TRABD2B: variants seen among roughly 807,000 people sequenced by gnomAD.
TRABD2B encodes TraB domain containing 2B.
In TRABD2B, 14 loss-of-function variants were observed where a neutral mutation model predicts 40.1. The observed-to-expected ratio is 0.35, with a 90% CI of 0.23 to 0.55. The LOEUF (loss-of-function observed/expected upper bound fraction) is 0.55, where lower values mean the gene tolerates loss of function less well. Ranked by LOEUF, TRABD2B falls within the 20% of genes least tolerant of loss-of-function variation. TRABD2B has a pLI of 0.90. For synonymous variants in TRABD2B, 263 were observed against 277.0 expected (o/e 0.95, Z 0.50); for missense variants, 541 against 648.6 (o/e 0.83, Z 1.80).
intron 2 of TRABD2B, among the ~76,000 whole-genome samples, chr1:47,879,507 T>C (rs1470845498): frequency 2.0e-5 from 3 of 152,188 alleles, no homozygotes; most frequent in African/African-American, 7.2e-5. Context: ...ACCTTCTAGG[T>C]TTGTGCAAGT....
rs1254126543 is a variant in TRABD2B, at chr1:47,765,702, T to C, written c.*200A>G. On this transcript the variant is annotated 3_prime_UTR_variant, in exon 7 of 7. Coordinates refer to ENST00000606738, the MANE Select transcript of TRABD2B (RefSeq NM_001194986.2). ...ACACGTATTTTACAAAAGAGCCCCATAGCACTATGGGAAATTAAGATCCTT... is the reference window on the plus strand; with the variant it reads ...ACACGTATTTTACAAAAGAGCCCCACAGCACTATGGGAAATTAAGATCCTT... 9 of 614,020 alleles carry C rather than the reference T, an allele frequency of 1.5e-5. No homozygotes were observed. The highest frequency in any genetic ancestry group is 2.6e-5 in the Non-Finnish European group (9 of 344,760). The allele number at this position is 614,020 out of a possible 1,614,324, so 38.0% of individuals were successfully genotyped here.
chr1:47,842,377 A>G (rs1645410962), intron 2 of TRABD2B, among the ~76,000 whole-genome samples: 1 of 151,718 alleles, frequency 6.6e-6, no homozygotes, highest in Admixed American at 6.6e-5. Context: ...AGGGCAGTAG[A>G]CTCCATCTGT....
intron 2 of TRABD2B, among the ~76,000 whole-genome samples, chr1:47,903,852 C>A (rs532724061): frequency 6.6e-6 from 1 of 152,326 alleles, no homozygotes; most frequent in African/African-American, 2.4e-5. Context: ...CCCTGATTAA[C>A]CCCAAGAGCA....
chr1:47,865,856 C>G (rs1227896130), intron 2 of TRABD2B, among the ~76,000 whole-genome samples: 2 of 152,042 alleles, frequency 1.3e-5, no homozygotes, highest in Admixed American at 1.3e-4. Flanking sequence ...TTACCATGCA[C>G]TCAGTGGGTT....
chr1:47,807,255 G>T (rs997175805), intron 2 of TRABD2B, among the ~76,000 whole-genome samples: 1 of 152,202 alleles, frequency 6.6e-6, no homozygotes, highest in Non-Finnish European at 1.5e-5. Flanking sequence ...TGGAATGATT[G>T]ATCCTGACTA....
chr1:47,911,427 G>A (rs1644761459), intron 2 of TRABD2B, among the ~76,000 whole-genome samples: 1 of 152,212 alleles, frequency 6.6e-6, no homozygotes, highest in Non-Finnish European at 1.5e-5. Flanking sequence ...GTGATAGAAT[G>A]ATAGAAAGAC....
At chr1:47,929,992 C>T (rs188473029) in intron 2 of TRABD2B, among the ~76,000 whole-genome samples, 88 of 152,294 alleles carry the variant, frequency 5.8e-4, no homozygotes, top group African/African-American at 2.0e-3. Flanking sequence ...CTACTTCTCC[C>T]ACCTCCCTGC....
At chr1:47,802,910 G>A (rs749101987) in intron 2 of TRABD2B, among the ~76,000 whole-genome samples, 71 of 152,076 alleles carry the variant, frequency 4.7e-4, no homozygotes, top group Non-Finnish European at 8.1e-4. Context: ...TAGCTCTTGA[G>A]TAGAGCCTCC....
chr1:47,871,809 C>T (rs545852829), intron 2 of TRABD2B, among the ~76,000 whole-genome samples: 2 of 152,106 alleles, frequency 1.3e-5, no homozygotes, highest in African/African-American at 4.8e-5. Flanking sequence ...CCTGGCCCCC[C>T]CAGGAAGTGA....
chr1:47,997,174 C>A lies in TRABD2B; in HGVS notation c.-385G>T. On this transcript the variant is annotated 5_prime_UTR_variant, in exon 1 of 7. Transcript: ENST00000606738. ...GGTGCGCAAGGGTCCCGGGGTTATG[C>A]TGGGCACCCGGGGCACGCAAGGGTC... 1 of 983,220 alleles carries A rather than the reference C, an allele frequency of 1.0e-6. No individual in the cohort carries two copies. The highest frequency in any genetic ancestry group is 1.2e-6 in the Non-Finnish European group (1 of 829,132). 60.9% of individuals were successfully genotyped at this position (983,220 alleles called of 1,614,324 possible). A position where few individuals can be genotyped will look rare whatever the true frequency, so the allele number is the denominator to read the frequency against.
At chr1:47,882,522 T>A (rs970886481) in intron 2 of TRABD2B, among the ~76,000 whole-genome samples, 1 of 152,192 alleles carries the variant, frequency 6.6e-6, no homozygotes, top group African/African-American at 2.4e-5. Context: ...AAAATGCAGG[T>A]CCATCAGATG....
At chr1:47,838,529 T>A (rs1053115528) in intron 2 of TRABD2B, among the ~76,000 whole-genome samples, 8 of 152,212 alleles carry the variant, frequency 5.3e-5, no homozygotes, top group African/African-American at 1.7e-4. Context: ...CTTCTCTGAA[T>A]CTTCTGTTTC....
chr1:47,917,428 C>T (rs1237469479), intron 2 of TRABD2B, among the ~76,000 whole-genome samples: 2 of 152,178 alleles, frequency 1.3e-5, no homozygotes, highest in African/African-American at 4.8e-5. Context: ...GGGCTAGAAA[C>T]CAGAGTTCTT....
intron 2 of TRABD2B, among the ~76,000 whole-genome samples, chr1:47,985,099 C>G (rs1645902116): frequency 6.6e-6 from 1 of 152,236 alleles, no homozygotes; most frequent in Admixed American, 6.5e-5. Flanking sequence ...CAATCCTATA[C>G]AGTTGACATG....
At chr1:47,782,589 T>G (rs1338794878) in intron 4 of TRABD2B, among the ~76,000 whole-genome samples, 1 of 152,210 alleles carries the variant, frequency 6.6e-6, no homozygotes, top group South Asian at 2.1e-4. Context: ...CTTTCCATGA[T>G]CTCATCCTAT....
intron 2 of TRABD2B, among the ~76,000 whole-genome samples, chr1:47,978,460 G>C (rs78190840): frequency 6.6e-6 from 1 of 152,178 alleles, no homozygotes; most frequent in Non-Finnish European, 1.5e-5. Context: ...AGCAAGGTGC[G>C]AGGCCAACTG....
intron 2 of TRABD2B, among the ~76,000 whole-genome samples, chr1:47,824,965 G>C (rs1322755969): frequency 6.6e-6 from 1 of 152,196 alleles, no homozygotes; most frequent in Non-Finnish European, 1.5e-5. Flanking sequence ...GCTTTGCACT[G>C]TCTTCTTCAT....
chr1:47,831,088 C>G (rs967098712), intron 2 of TRABD2B, among the ~76,000 whole-genome samples: 1 of 145,322 alleles, frequency 6.9e-6, no homozygotes, highest in Non-Finnish European at 1.5e-5. Context: ...GTGTCCTCAC[C>G]TTTGAAGAGT....
At chr1:47,947,964 C>T (rs1015555309) in intron 2 of TRABD2B, among the ~76,000 whole-genome samples, 1 of 152,148 alleles carries the variant, frequency 6.6e-6, no homozygotes, top group Non-Finnish European at 1.5e-5. Context: ...AAGCACAGAG[C>T]AGCCCAGGTG....
Sources: allele counts gnomAD v4.1 joint callset (sites outside exome capture counted in the v4.1 genomes callset), GRCh38; gene constraint gnomAD v4.1.1; transcripts MANE v1.5; gene names NCBI Gene and HGNC (gene_info 2026-07-23, HGNC 2026-07-21).